The following PTPRG variants were observed in gnomAD, a reference collection of about 807,000 sequenced individuals.
PTPRG encodes the protein receptor-type tyrosine-protein phosphatase gamma.
Under a neutral mutation model 165.3 loss-of-function variants are expected in PTPRG, and 102 were observed. That is an observed-to-expected ratio of 0.62 (90% CI 0.53 to 0.73). The LOEUF is 0.73. Ranked by LOEUF, PTPRG falls within the 30% of genes least tolerant of loss-of-function variation. The probability of loss-of-function intolerance (pLI) is 0.00; values close to 1 mark genes in which losing one functional copy is unlikely to be tolerated. For synonymous variants in PTPRG, 675 were observed against 669.5 expected, an observed-to-expected ratio of 1.01 and a Z score of -0.13; for missense variants, 1,866 against 1,861.4, an observed-to-expected ratio of 1.00 and a Z score of -0.05.
rs139171872 is a variant in PTPRG at position 61,940,594 on chromosome 3, T to A, written c.191-49031T>A. 5.0e-4 allele frequency among the ~76,000 whole-genome samples: 76 copies of A among 152,300 alleles called. 1 individual carries two copies. In the East Asian group the frequency reaches 6.8e-3, roughly 14 times the overall value. On this transcript the variant is annotated intron_variant, in intron 2 of 29. Transcript: ENST00000474889. ...TTGTTCTCTTGGTAGAATTACACATTTCTCAAGGGGATTTTATTCTGGTTT... is the reference window on the plus strand; with the variant it reads ...TTGTTCTCTTGGTAGAATTACACATATCTCAAGGGGATTTTATTCTGGTTT...
chr3:61,661,946 G>C (rs1199083238), intron 1 of PTPRG, among the ~76,000 whole-genome samples: 3 of 152,146 alleles, frequency 2.0e-5, no homozygotes, highest in African/African-American at 7.2e-5. Context: ...GCCTCATCAA[G>C]TATTTTTTTT....
At chr3:61,941,752 T>G (rs528657575) in intron 2 of PTPRG, among the ~76,000 whole-genome samples, 1 of 152,344 alleles carries the variant, frequency 6.6e-6, no homozygotes, top group African/African-American at 2.4e-5. Flanking sequence ...AAAAACAGTT[T>G]TTTTCATTCT....
intron 2 of PTPRG, among the ~76,000 whole-genome samples, chr3:61,971,352 A>C (rs2040378902): frequency 6.6e-6 from 1 of 152,208 alleles, no homozygotes; most frequent in Non-Finnish European, 1.5e-5. Context: ...GGACAGTTGA[A>C]GTACTTGGTC....
intron 3 of PTPRG, among the ~76,000 whole-genome samples, chr3:61,999,247 A>G (rs964430605): frequency 6.6e-6 from 1 of 152,034 alleles, no homozygotes; most frequent in African/African-American, 2.4e-5. Flanking sequence ...TGATTTCACC[A>G]TGTTGGCCAG....
At position 61,638,591 on chromosome 3, in the gene PTPRG, G is replaced by GTTTTTTTT. The variant is rs34396141; in HGVS notation, c.85+76239_85+76246dup. 5.3e-3 allele frequency among the ~76,000 whole-genome samples: 309 copies of GTTTTTTTT among 58,716 alleles called. 40 individuals are homozygous for GTTTTTTTT. Among genetic ancestry groups the GTTTTTTTT allele is most frequent in the South Asian group, 9.4e-3 (10 of 1,062 alleles). 38.5% of individuals were successfully genotyped at this position (58,716 alleles called of 152,430 possible). ...AGGCACACACCACCATGCCTGGCTA[G>GTTTTTTTT]TTTTTTTTTTTTTTTTTTTTTTTTT... is the stretch of plus-strand genomic sequence containing the variant. On this transcript the variant is annotated intron_variant, in intron 1 of 29. Coordinates refer to ENST00000474889, the MANE Select transcript of PTPRG (RefSeq NM_002841.4).
intron 5 of PTPRG, among the ~76,000 whole-genome samples, chr3:62,121,998 G>C (rs551789971): frequency 6.6e-6 from 1 of 152,168 alleles, no homozygotes. Context: ...ATACAAAGCT[G>C]AACTCTTCAG....
intron 4 of PTPRG, among the ~76,000 whole-genome samples, chr3:62,006,573 G>C (rs183616312): frequency 6.6e-6 from 1 of 152,228 alleles, no homozygotes; most frequent in Admixed American, 6.5e-5. Flanking sequence ...AGCATTGGGG[G>C]CATTAATTAT....
rs148602822 is a variant in PTPRG at position 61,689,395 on chromosome 3, A to G, written c.86-59483A>G. Among the ~76,000 whole-genome samples, 1,116 of 152,346 alleles carry G rather than the reference A, an allele frequency of 7.3e-3. 13 individuals are homozygous for G. The highest frequency in any genetic ancestry group is 0.025 in the African/African-American group (1,047 of 41,582). On this transcript the variant is annotated intron_variant, in intron 1 of 29. Coordinates refer to ENST00000474889, the MANE Select transcript of PTPRG (RefSeq NM_002841.4). ...TTTCAATAAAACTGGATGCATATTT[A>G]TGATTGTCTGACTTAAAATGTAGAC...
intron 6 of PTPRG, 56 bp downstream of exon 6, chr3:62,132,724 C>T: frequency 6.9e-7 from 1 of 1,439,214 alleles, no homozygotes; most frequent in East Asian, 2.3e-5. Context: ...CAGATCTCTA[C>T]CTAAAAGAAT....
intron 1 of PTPRG, among the ~76,000 whole-genome samples, chr3:61,595,112 C>T (rs1483218664): frequency 1.3e-5 from 2 of 151,990 alleles, no homozygotes; most frequent in Non-Finnish European, 2.9e-5. Context: ...TCTGGACATG[C>T]TGCATGTGTC....
rs199683150 is a variant in PTPRG, at chr3:61,738,254, ATTTT to A, written c.86-10622_86-10619del. 6.8e-5 allele frequency among the ~76,000 whole-genome samples: 6 copies of A among 87,828 alleles called. 1 individual carries two copies. Among genetic ancestry groups the A allele is most frequent in the Admixed American group, 5.7e-4 (4 of 7,038 alleles). The allele number at this position is 87,828 out of a possible 152,430, so 57.6% of individuals were successfully genotyped here. On this transcript the variant is annotated intron_variant, in intron 1 of 29. Transcript: ENST00000474889. ...ACATTTAAATAGGGCTTCTTTGTCC[ATTTT>A]TATATATATATATATATATACATAT...
intron 8 of PTPRG, among the ~76,000 whole-genome samples, chr3:62,178,060 T>C (rs968948650): frequency 5.9e-5 from 9 of 151,418 alleles, no homozygotes; most frequent in Non-Finnish European, 1.0e-4. Context: ...GGTGGGTGGA[T>C]GGATGGATGG....
chr3:62,193,435 T>C (rs775324312), intron 9 of PTPRG, among the ~76,000 whole-genome samples: 8 of 152,218 alleles, frequency 5.3e-5, no homozygotes, highest in Non-Finnish European at 1.2e-4. Context: ...GCTGGTTATT[T>C]TCTTTGGGGA....
At chr3:61,756,342 G>C (rs1024338107) in intron 2 of PTPRG, among the ~76,000 whole-genome samples, 3 of 152,200 alleles carry the variant, frequency 2.0e-5, no homozygotes, top group African/African-American at 7.2e-5. Flanking sequence ...TCTTCCTACA[G>C]ATACTATTTT....
intron 14 of PTPRG, among the ~76,000 whole-genome samples, chr3:62,241,668 T>C (rs547813938): frequency 6.6e-6 from 1 of 152,250 alleles, no homozygotes; most frequent in Admixed American, 6.5e-5. Context: ...AGTATATATA[T>C]ATATCCTTTC....
At chr3:61,821,952 A>C (rs2035970214) in intron 2 of PTPRG, among the ~76,000 whole-genome samples, 1 of 152,248 alleles carries the variant, frequency 6.6e-6, no homozygotes, top group Non-Finnish European at 1.5e-5. Flanking sequence ...CAGAAGCATA[A>C]GCTAGCAATT....
chr3:61,976,677 TA>T (rs890569482), intron 2 of PTPRG, among the ~76,000 whole-genome samples: 3 of 152,088 alleles, frequency 2.0e-5, no homozygotes, highest in African/African-American at 7.2e-5. Context: ...AGGGTCTTTT[TA>T]AAAAATTTTT....
At chr3:62,032,623 C>A (rs1173646429) in intron 4 of PTPRG, among the ~76,000 whole-genome samples, 2 of 152,062 alleles carry the variant, frequency 1.3e-5, no homozygotes, top group Non-Finnish European at 2.9e-5. Context: ...GCAGGATTTA[C>A]TCCTGAGTTA....
At chr3:62,231,341 C>A (rs375380130) in intron 14 of PTPRG, 30 bp downstream of exon 14, 1 of 1,504,844 alleles carries the variant, frequency 6.6e-7, no homozygotes, top group South Asian at 1.4e-5. Flanking sequence ...AAGTGGGGGG[C>A]GTCTTGATGG....
Sources: allele counts gnomAD v4.1 joint callset (sites outside exome capture counted in the v4.1 genomes callset), GRCh38; gene constraint gnomAD v4.1.1; transcripts MANE v1.5; gene names NCBI Gene and HGNC (gene_info 2026-07-23, HGNC 2026-07-21).